The following DNM3 variants were observed in gnomAD, a reference collection of about 807,000 sequenced individuals.
DNM3 encodes dynamin 3.
Under a neutral mutation model 101.6 loss-of-function variants are expected in DNM3, and 47 were observed. The observed-to-expected ratio is 0.46, with a 90% CI of 0.37 to 0.59. The LOEUF is 0.59. DNM3 is among the 20% of genes least tolerant of loss of function. The probability of loss-of-function intolerance (pLI) is 0.00; values close to 1 mark genes in which losing one functional copy is unlikely to be tolerated. For synonymous variants in DNM3, 385 were observed against 387.9 expected, an observed-to-expected ratio of 0.99 and a Z score of 0.09; for missense variants, 849 against 1,085.7, an observed-to-expected ratio of 0.78 and a Z score of 3.06.
rs183627903 is a variant in DNM3, at chr1:172,230,757, G to C, written c.1660-22816G>C. 1.4e-3 allele frequency among the ~76,000 whole-genome samples: 210 copies of C among 152,036 alleles called. 1 individual carries two copies. The highest frequency in any genetic ancestry group is 4.9e-3 in the African/African-American group (203 of 41,472). On this transcript the variant is annotated intron_variant, in intron 14 of 20. Coordinates refer to ENST00000627582, the MANE Select transcript of DNM3 (RefSeq NM_015569.5). Reference sequence around the variant, plus strand: ...TTTCCAGCACTCTACCAAAATTGTGGTTCTAGTGGTTACTTTTCTAGCCAT... The same window carrying C: ...TTTCCAGCACTCTACCAAAATTGTGCTTCTAGTGGTTACTTTTCTAGCCAT...
At chr1:172,150,842 C>T (rs1339248071) in intron 14 of DNM3, among the ~76,000 whole-genome samples, 1 of 152,188 alleles carries the variant, frequency 6.6e-6, no homozygotes, top group Non-Finnish European at 1.5e-5. Flanking sequence ...AGGGCTGCTG[C>T]GGGACACACC....
chr1:172,142,858 CTCT>C (rs2057662281), intron 14 of DNM3, among the ~76,000 whole-genome samples: 1 of 151,338 alleles, frequency 6.6e-6, no homozygotes, highest in Non-Finnish European at 1.5e-5. Flanking sequence ...AAATGAGCTC[CTCT>C]AAGTTACTTT....
At chr1:172,165,867 C>T (rs2058724673) in intron 14 of DNM3, among the ~76,000 whole-genome samples, 1 of 152,024 alleles carries the variant, frequency 6.6e-6, no homozygotes. Flanking sequence ...GAATTCTTCA[C>T]ATTGCCTAAA....
intron 14 of DNM3, among the ~76,000 whole-genome samples, chr1:172,141,687 A>G (rs573365760): frequency 6.6e-6 from 1 of 152,126 alleles, no homozygotes; most frequent in South Asian, 2.1e-4. Flanking sequence ...TCTGTAGGCG[A>G]GAGGTGGGGG....
rs1215213173 is a variant in DNM3 at position 172,387,173 on chromosome 1, A to G, written c.2099A>G (p.Tyr700Cys). The stretch of plus-strand genomic sequence containing the variant: ...AATTCCGAGCTCCTAGCACAGTTGT[A>G]TTCTTCAGAGGACCAAAATACCCTG... ...FINSELLAQL[Y>C]SSEDQNTLME... Residue 700 changes from tyrosine to cysteine, a missense_variant, in exon 19 of 21, where the codon TAT (tyrosine) becomes TGT (cysteine). This residue lies in a region of DNM3 where 256 missense variants were observed against 311.7 expected (regional missense o/e 0.82). Coordinates refer to ENST00000627582, the MANE Select transcript of DNM3 (RefSeq NM_015569.5). 2.5e-6 allele frequency: 4 copies of G among 1,613,882 alleles called. No homozygotes were observed. The Admixed American group carries it at 5.0e-5, about 20-fold the overall frequency.
At chr1:172,109,825 T>A (rs1021000863) in intron 13 of DNM3, among the ~76,000 whole-genome samples, 1 of 152,184 alleles carries the variant, frequency 6.6e-6, no homozygotes, top group African/African-American at 2.4e-5. Flanking sequence ...CCTCCTGGAG[T>A]ATCTTGAGTT....
chr1:172,105,987 T>C (rs543143483), intron 13 of DNM3, among the ~76,000 whole-genome samples: 12 of 152,328 alleles, frequency 7.9e-5, no homozygotes, highest in African/African-American at 2.2e-4. Context: ...ACTGTGTAGT[T>C]ACATCTTTTA....
chr1:172,041,965 G>A (rs773799756), intron 7 of DNM3, 44 bp from the exon 8 acceptor site: 2 of 1,542,432 alleles, frequency 1.3e-6, no homozygotes, highest in East Asian at 2.3e-5. Flanking sequence ...GAGTGCAAAG[G>A]CTTGTAACTT....
At chr1:172,113,677 A>G (rs1005970240) in intron 13 of DNM3, among the ~76,000 whole-genome samples, 1 of 151,742 alleles carries the variant, frequency 6.6e-6, no homozygotes, top group Non-Finnish European at 1.5e-5. Context: ...CTTAACGTAA[A>G]TTTTTACTTT....
chr1:172,030,650 A>T (rs887553432), intron 4 of DNM3, among the ~76,000 whole-genome samples: 1 of 152,196 alleles, frequency 6.6e-6, no homozygotes, highest in Non-Finnish European at 1.5e-5. Context: ...CAATCTACCC[A>T]TCTGACAAAG....
chr1:171,907,175 T>G (rs902257702), intron 1 of DNM3, among the ~76,000 whole-genome samples: 1 of 152,226 alleles, frequency 6.6e-6, no homozygotes, highest in Non-Finnish European at 1.5e-5. Flanking sequence ...AGTTGATTTT[T>G]AATGGCTAAT....
At chr1:172,301,108 A>G (rs903035656) in intron 15 of DNM3, among the ~76,000 whole-genome samples, 5 of 152,198 alleles carry the variant, frequency 3.3e-5, no homozygotes, top group Admixed American at 2.0e-4. Context: ...GGAGAGAATA[A>G]GGGAGAAGAA....
intron 11 of DNM3, among the ~76,000 whole-genome samples, chr1:172,075,090 A>T (rs1485792291): frequency 2.6e-5 from 4 of 150,986 alleles, no homozygotes; most frequent in African/African-American, 4.9e-5. Context: ...CTTTTTTTTC[A>T]TATGTTTGTT....
At chr1:172,008,342 C>A (rs1484011352) in intron 4 of DNM3, among the ~76,000 whole-genome samples, 1 of 151,754 alleles carries the variant, frequency 6.6e-6, no homozygotes, top group Non-Finnish European at 1.5e-5. Flanking sequence ...TTTGGGTATA[C>A]ATTTAAGTCT....
chr1:172,414,751 T>TAA (rs11378822), downstream of DNM3, among the ~76,000 whole-genome samples: 5,195 of 100,102 alleles, frequency 0.052, 409 homozygotes, highest in Middle Eastern at 0.084. Flanking sequence ...ACCTCATCTC[T>TAA]AAAAAAAAAA....
chr1:172,044,552 GT>G, intron 9 of DNM3, 100 bp downstream of exon 9: 1 of 960,254 alleles, frequency 1.0e-6, no homozygotes. Context: ...ATTGAATAGG[GT>G]AGAATACAGA....
intron 14 of DNM3, among the ~76,000 whole-genome samples, chr1:172,131,553 T>G (rs2056937728): frequency 6.6e-6 from 1 of 152,198 alleles, no homozygotes; most frequent in Non-Finnish European, 1.5e-5. Flanking sequence ...GGCATCAAAG[T>G]TGAAAACCTC....
chr1:171,877,268 A>C (rs904415625), intron 1 of DNM3, among the ~76,000 whole-genome samples: 1 of 152,242 alleles, frequency 6.6e-6, no homozygotes, highest in Non-Finnish European at 1.5e-5. Flanking sequence ...AAGTTAAAGA[A>C]TATTTTAAAC....
chr1:171,958,101 A>C (rs1374272178), intron 2 of DNM3, among the ~76,000 whole-genome samples: 1 of 152,188 alleles, frequency 6.6e-6, no homozygotes, highest in Non-Finnish European at 1.5e-5. Context: ...ACTGTGGCAG[A>C]AGGTGAAAGG....
Sources: allele counts gnomAD v4.1 joint callset (sites outside exome capture counted in the v4.1 genomes callset), GRCh38; gene constraint gnomAD v4.1.1; regional missense constraint gnomAD v4.1.1; transcripts MANE v1.5; gene names NCBI Gene and HGNC (gene_info 2026-07-23, HGNC 2026-07-21).